AGBL1: variants seen among roughly 807,000 people sequenced by gnomAD.
AGBL1 encodes AGBL carboxypeptidase 1.
In AGBL1, 130 loss-of-function variants were observed where a neutral mutation model predicts 118.9. That is an observed-to-expected ratio of 1.09 (90% CI 0.95 to 1.26). The LOEUF (loss-of-function observed/expected upper bound fraction) is 1.26, where lower values mean the gene tolerates loss of function less well. Among genes scored for constraint, AGBL1 ranks in the 50% most tolerant of loss-of-function variants. AGBL1 has a pLI of 0.00. For missense variants in AGBL1, 1,584 were observed against 1,298.1 expected (o/e 1.22, Z -3.38); for synonymous variants, 555 against 478.9 (o/e 1.16, Z -2.08).
At chr15:86,444,531 TC>T (rs1326236548) in intron 18 of AGBL1, among the ~76,000 whole-genome samples, 1 of 152,176 alleles carries the variant, frequency 6.6e-6, no homozygotes, top group Non-Finnish European at 1.5e-5. Context: ...CCAAAAGCTA[TC>T]TGGGGGCAGG....
chr15:86,760,975 G>T (rs548776412), intron 22 of AGBL1, among the ~76,000 whole-genome samples: 3 of 152,194 alleles, frequency 2.0e-5, no homozygotes, highest in Admixed American at 6.5e-5. Flanking sequence ...ATCCAATAGC[G>T]ATGTGTAGAC....
At chr15:86,227,639 C>T in intron 6 of AGBL1, among the ~76,000 whole-genome samples, 1 of 152,252 alleles carries the variant, frequency 6.6e-6, no homozygotes, top group South Asian at 2.1e-4. Context: ...TATTTGGGTA[C>T]ACACATGAGC....
intron 15 of AGBL1, among the ~76,000 whole-genome samples, chr15:86,276,902 T>A (rs912654935): frequency 4.6e-5 from 7 of 152,182 alleles, no homozygotes; most frequent in Admixed American, 4.6e-4. Context: ...GGTGTTTCAC[T>A]TTAGAGATTT....
chr15:86,425,695 T>C (rs1229354724), intron 18 of AGBL1, among the ~76,000 whole-genome samples: 2 of 152,208 alleles, frequency 1.3e-5, no homozygotes, highest in African/African-American at 4.8e-5. Flanking sequence ...CCAAATGTAG[T>C]TGATCATCAG....
intron 18 of AGBL1, among the ~76,000 whole-genome samples, chr15:86,436,852 A>C (rs17672100): frequency 0.016 from 2,412 of 152,298 alleles, 32 homozygotes; most frequent in Non-Finnish European, 0.025. Context: ...TGGTTCTGGA[A>C]AATAACTACA....
chr15:86,932,447 T>C (rs938242770), intron 23 of AGBL1, among the ~76,000 whole-genome samples: 6 of 152,220 alleles, frequency 3.9e-5, no homozygotes, highest in African/African-American at 1.4e-4. Flanking sequence ...GATTTGATAG[T>C]GTTTAGGACC....
intron 23 of AGBL1, chr15:86,987,936 C>T (rs2081300307): frequency 1.3e-6 from 2 of 1,579,766 alleles, no homozygotes; most frequent in South Asian, 2.4e-5. Flanking sequence ...ATATGTGACA[C>T]TATGGTTTAT....
intron 24 of AGBL1, among the ~76,000 whole-genome samples, chr15:87,001,838 G>A (rs2081441678): frequency 6.6e-6 from 1 of 151,882 alleles, no homozygotes; most frequent in Admixed American, 6.6e-5. Flanking sequence ...TTTTTTTCTT[G>A]TAAATTTGTT....
At chr15:86,535,326 G>A (rs1214153693) in intron 19 of AGBL1, among the ~76,000 whole-genome samples, 1 of 152,218 alleles carries the variant, frequency 6.6e-6, no homozygotes, top group African/African-American at 2.4e-5. Flanking sequence ...AAAGCCAAGA[G>A]GCTCATGGCC....
At chr15:86,956,641 G>A (rs1469653144) in intron 23 of AGBL1, among the ~76,000 whole-genome samples, 1 of 152,116 alleles carries the variant, frequency 6.6e-6, no homozygotes, top group African/African-American at 2.4e-5. Flanking sequence ...AAAACCAACC[G>A]ATGTGAATGT....
chr15:86,885,650 G>GA (rs1401321540), intron 22 of AGBL1, among the ~76,000 whole-genome samples: 1 of 151,988 alleles, frequency 6.6e-6, no homozygotes, highest in Non-Finnish European at 1.5e-5. Context: ...AAATGTATGT[G>GA]AAAAAAGCAA....
At chr15:86,231,582 C>G (rs1019927758) in intron 6 of AGBL1, among the ~76,000 whole-genome samples, 1 of 152,202 alleles carries the variant, frequency 6.6e-6, no homozygotes, top group African/African-American at 2.4e-5. Flanking sequence ...TTTGAAATGA[C>G]AACCCAAATA....
intron 17 of AGBL1, among the ~76,000 whole-genome samples, chr15:86,334,482 A>G (rs1338348224): frequency 1.3e-5 from 2 of 152,238 alleles, no homozygotes; most frequent in African/African-American, 2.4e-5. Context: ...CTACAAGAGA[A>G]ATGCAAAGTA....
At chr15:86,214,447 T>C (rs1297671908) in intron 5 of AGBL1, among the ~76,000 whole-genome samples, 1 of 152,270 alleles carries the variant, frequency 6.6e-6, no homozygotes, top group Non-Finnish European at 1.5e-5. Context: ...TACCTCTCTA[T>C]ATACATATTG....
At chr15:86,280,728 T>C (rs2079338603) in intron 16 of AGBL1, among the ~76,000 whole-genome samples, 1 of 152,232 alleles carries the variant, frequency 6.6e-6, no homozygotes, top group Non-Finnish European at 1.5e-5. Context: ...AGAACATCTT[T>C]TCCTTCAAAA....
intron 5 of AGBL1, among the ~76,000 whole-genome samples, chr15:86,212,841 G>T (rs1437385314): frequency 6.6e-6 from 1 of 152,124 alleles, no homozygotes; most frequent in Non-Finnish European, 1.5e-5. Context: ...GTAGAGACAG[G>T]ATTTCACCAT....
At chr15:86,191,508 A>G (rs992153723) in intron 5 of AGBL1, among the ~76,000 whole-genome samples, 1 of 152,130 alleles carries the variant, frequency 6.6e-6, no homozygotes, top group Non-Finnish European at 1.5e-5. Context: ...ATGTAGAAGA[A>G]AAAGTCAAAG....
intron 20 of AGBL1, among the ~76,000 whole-genome samples, chr15:86,552,561 A>G (rs955320113): frequency 1.3e-5 from 2 of 152,202 alleles, no homozygotes; most frequent in African/African-American, 2.4e-5. Flanking sequence ...TTATTTTAGC[A>G]AATAATTATG....
intron 17 of AGBL1, chr15:86,296,484 A>G (rs1653711855): frequency 1.3e-5 from 2 of 152,172 alleles, no homozygotes; most frequent in Admixed American, 1.3e-4. Context: ...TCTCTGAGGA[A>G]GATACAGCCT....
Sources: gnomAD v4.1 joint callset for allele counts (sites outside exome capture counted in the v4.1 genomes callset) on GRCh38, gnomAD v4.1.1 for gene constraint, MANE v1.5 for transcripts, NCBI Gene and HGNC (gene_info 2026-07-23, HGNC 2026-07-21) for gene names.